Variants in ERAP1 observed in about 807,000 individuals in gnomAD.
ERAP1 encodes the protein endoplasmic reticulum aminopeptidase 1.
A neutral mutation model predicts 103.7 loss-of-function variants in ERAP1; 86 were observed. The ratio of observed to expected loss-of-function variants is 0.83; its 90% CI spans 0.70 to 0.99. The LOEUF (loss-of-function observed/expected upper bound fraction) is 0.99. Among genes scored for constraint, ERAP1 ranks in the 50% least tolerant of loss-of-function variants. The pLI is 0.00. For missense variants in ERAP1, 1,009 were observed against 1,128.4 expected (o/e 0.89, Z 1.52); for synonymous variants, 398 against 402.4 (o/e 0.99, Z 0.13).
chr5:96,817,320 TGG>T, the ERAP1 span, among the ~76,000 whole-genome samples: 15 of 152,172 alleles, frequency 9.9e-5, no homozygotes, highest in African/African-American at 3.4e-4. Flanking sequence ...GTGTTTCCTA[TGG>T]GTCTAACTAA....
the ERAP1 span, among the ~76,000 whole-genome samples, chr5:96,820,197 G>A: frequency 0.66 from 100,397 of 152,008 alleles, 33,653 homozygotes; most frequent in Non-Finnish European, 0.72. Context: ...CATTTTATGG[G>A]AGAAAATATA....
the ERAP1 span, among the ~76,000 whole-genome samples, chr5:96,898,919 T>A: frequency 2.0e-5 from 3 of 152,144 alleles, no homozygotes; most frequent in African/African-American, 7.2e-5. Flanking sequence ...TCCCTTGCCA[T>A]GTGTGTGTGC....
chr5:96,900,378 C>G, the ERAP1 span: 3 of 882,728 alleles, frequency 3.4e-6, no homozygotes, highest in East Asian at 2.8e-5. Context: ...GCTGTTGCTA[C>G]TATATTTTTG....
At chr5:96,877,618 G>A in the ERAP1 span, among the ~76,000 whole-genome samples, 1 of 152,212 alleles carries the variant, frequency 6.6e-6, no homozygotes, top group Admixed American at 6.5e-5. Context: ...GATAAATGAA[G>A]CTCAAAAAGT....
chr5:96,764,776 C>T (rs1469123001), intron 19 of ERAP1, among the ~76,000 whole-genome samples: 1 of 152,214 alleles, frequency 6.6e-6, no homozygotes, highest in Non-Finnish European at 1.5e-5. Flanking sequence ...ATCTTGCTTC[C>T]TAACCATCTG....
chr5:96,914,793 T>A, the ERAP1 span, among the ~76,000 whole-genome samples: 1 of 152,166 alleles, frequency 6.6e-6, no homozygotes, highest in African/African-American at 2.4e-5. Flanking sequence ...AAACACAATG[T>A]TTAAACACAG....
the ERAP1 span, chr5:96,884,072 A>ATCTATCTG: frequency 1.8e-6 from 1 of 556,178 alleles, no homozygotes; most frequent in African/African-American, 2.1e-5. Flanking sequence ...CTATCTATCT[A>ATCTATCTG]TCTATCTATC....
chr5:96,913,454 A>G, the ERAP1 span: 1 of 1,613,956 alleles, frequency 6.2e-7, no homozygotes. Flanking sequence ...CATCTTCTGA[A>G]AAAGTTGGTA....
chr5:96,859,473 T>C, the ERAP1 span, among the ~76,000 whole-genome samples: 1 of 151,746 alleles, frequency 6.6e-6, no homozygotes, highest in Non-Finnish European at 1.5e-5. Flanking sequence ...AAGAAGACCA[T>C]TCTCCTCTGT....
chr5:96,813,445 G>A, the ERAP1 span, among the ~76,000 whole-genome samples: 3 of 152,006 alleles, frequency 2.0e-5, no homozygotes, highest in Non-Finnish European at 4.4e-5. Context: ...ATGAGGGCAG[G>A]AGATCGAGAC....
At position 96,785,878 on chromosome 5, in the gene ERAP1, TC is replaced by T; in HGVS notation, c.1852del (p.Asp618ThrfsTer3). The T allele has an allele frequency of 6.2e-7, 1 of 1,613,916 alleles. No individual in the cohort carries two copies. The highest frequency in any genetic ancestry group is 1.1e-5 in the South Asian group (1 of 91,068). ...TCCTTTTAAAAGGCCAGTCAAAGAG[TC>T]CCATCCATCATCCTCGTAATGCACA... ...YIVHYEDDGW[D>X]SLTGLLKGTH... On this transcript the variant is annotated frameshift_variant, in exon 13 of 19. Coordinates refer to ENST00000443439, the MANE Select transcript of ERAP1 (RefSeq NM_001040458.3). LOFTEE classifies it high-confidence loss of function.
chr5:96,809,156 G>A (rs1233851883), upstream of ERAP1, among the ~76,000 whole-genome samples: 1 of 152,206 alleles, frequency 6.6e-6, no homozygotes, highest in Non-Finnish European at 1.5e-5. Context: ...CACTCTCATT[G>A]CCATCCTGGT....
At chr5:96,769,987 T>A (rs938980096), downstream of ERAP1, 1 of 152,588 alleles carries the variant, frequency 6.6e-6, no homozygotes, top group African/African-American at 2.4e-5. Context: ...ACTAGGTTGT[T>A]CCATATCTTG....
At chr5:96,916,170 G>A in the ERAP1 span, among the ~76,000 whole-genome samples, 2 of 151,518 alleles carry the variant, frequency 1.3e-5, no homozygotes, top group East Asian at 3.9e-4. Context: ...GCAGTGAGCT[G>A]AGATCACACC....
At chr5:96,828,640 T>C in the ERAP1 span, among the ~76,000 whole-genome samples, 10 of 152,138 alleles carry the variant, frequency 6.6e-5, no homozygotes, top group Non-Finnish European at 1.2e-4. Flanking sequence ...TTCAGGGCCA[T>C]TCTTCTGTGT....
At chr5:96,931,994 A>G in the ERAP1 span, among the ~76,000 whole-genome samples, 3 of 152,246 alleles carry the variant, frequency 2.0e-5, no homozygotes, top group Non-Finnish European at 4.4e-5. Context: ...CTGAACTAGT[A>G]TATCACTGTT....
chr5:96,859,367 C>T, the ERAP1 span, among the ~76,000 whole-genome samples: 19 of 152,246 alleles, frequency 1.2e-4, no homozygotes, highest in African/African-American at 3.9e-4. Context: ...TGTTGCTCTG[C>T]GAGTGCAGGT....
At chr5:96,772,319 G>A (rs1019274854), downstream of ERAP1, 1 of 153,414 alleles carries the variant, frequency 6.5e-6, no homozygotes, top group Non-Finnish European at 1.5e-5. Flanking sequence ...AAAGGAGAGG[G>A]CTTAATGTAA....
At position 96,783,968 on chromosome 5, in the gene ERAP1, A is replaced by ACTT; in HGVS notation, c.2053_2055dup (p.Lys685dup). 1 of 1,613,860 alleles carries ACTT rather than the reference A, an allele frequency of 6.2e-7. No individual in the cohort carries two copies. Among genetic ancestry groups the ACTT allele is most frequent in the Non-Finnish European group, 8.5e-7 (1 of 1,179,910 alleles). On this transcript the variant is annotated inframe_insertion, in exon 14 of 19. Coordinates refer to ENST00000443439, the MANE Select transcript of ERAP1 (RefSeq NM_001040458.3). ...TCATTCATATCTCTTTTCTCCATTAACTTATACATAGGAATCAGCTCATTC... is the reference window on the plus strand; with the variant it reads ...TCATTCATATCTCTTTTCTCCATTAACTTCTTATACATAGGAATCAGCTCATTC...
Sources: allele counts gnomAD v4.1 joint callset (sites outside exome capture counted in the v4.1 genomes callset), GRCh38; gene constraint gnomAD v4.1.1; transcripts MANE v1.5; gene names NCBI Gene and HGNC (gene_info 2026-07-23, HGNC 2026-07-21).